ADGRE5: variants seen among roughly 807,000 people sequenced by gnomAD.
The protein encoded by ADGRE5 is CD97 molecule.
In ADGRE5, 72 loss-of-function variants were observed where a neutral mutation model predicts 100.3. The ratio of observed to expected loss-of-function variants is 0.72; its 90% CI spans 0.59 to 0.87. The LOEUF is 0.87. ADGRE5 is among the 40% of genes least tolerant of loss of function. The pLI is 0.00. For synonymous variants in ADGRE5, 439 were observed against 447.8 expected, an observed-to-expected ratio of 0.98 and a Z score of 0.25; for missense variants, 959 against 1,094.7, an observed-to-expected ratio of 0.88 and a Z score of 1.75.
chr19:14,392,798 G>C (rs1975645872), intron 4 of ADGRE5, among the ~76,000 whole-genome samples: 1 of 151,618 alleles, frequency 6.6e-6, no homozygotes, highest in African/African-American at 2.4e-5. Context: ...AGCTACTCAA[G>C]AGGCTAAAGC....
In ADGRE5 at chr19:14,405,731, C is replaced by T; in HGVS notation, c.1630-17C>T. 6.3e-7 allele frequency: 1 copy of T among 1,598,328 alleles called. No individual in the cohort carries two copies. Among genetic ancestry groups the T allele is most frequent in the Non-Finnish European group, 8.5e-7 (1 of 1,169,616 alleles). On this transcript the variant is annotated splice_polypyrimidine_tract_variant and intron_variant, in intron 13 of 19. Transcript: ENST00000242786. ...TCATGCCCTGAAGGAACCCTGAGCACCCGGTGCCACTCCTAGGACTGGAAG... is the reference window on the plus strand; with the variant it reads ...TCATGCCCTGAAGGAACCCTGAGCATCCGGTGCCACTCCTAGGACTGGAAG...
At chr19:14,398,498 G>A (rs560334995) in intron 9 of ADGRE5, among the ~76,000 whole-genome samples, 82 of 130,880 alleles carry the variant, frequency 6.3e-4, no homozygotes, top group Non-Finnish European at 7.9e-4. Flanking sequence ...TGAAACCCCC[G>A]TCTCTACTAA....
intron 1 of ADGRE5, among the ~76,000 whole-genome samples, chr19:14,386,660 C>T (rs1479272362): frequency 7.1e-6 from 1 of 141,336 alleles, no homozygotes; most frequent in Non-Finnish European, 1.5e-5. Flanking sequence ...CACCACTGCA[C>T]TCCAGCCTGG....
rs767614758 is a variant in ADGRE5, at chr19:14,407,220, C to T, written c.2367C>T (p.Leu789=). 3.7e-6 allele frequency: 6 copies of T among 1,613,898 alleles called. No individual in the cohort carries two copies. The Admixed American group carries it at 5.0e-5, about 13-fold the overall frequency. The change falls in exon 18 of 20, where the codon CTC becomes CTT. Residue 789 remains leucine (L), a synonymous_variant. Coordinates refer to ENST00000242786, the MANE Select transcript of ADGRE5 (RefSeq NM_078481.4). The part of the protein sequence containing the change: ...GAFLYLLHCL[L]NKKVREEYRK... ...TCCTCTACCTGCTGCACTGCCTGCT[C>T]AACAAGAAGGTGGGGGCCTGGGCAC...
In ADGRE5 at chr19:14,405,788, T is replaced by C. The variant is rs780564222; in HGVS notation, c.1670T>C (p.Leu557Pro). The change falls in exon 14 of 20, where the codon CTG becomes CCG. Residue 557 changes from leucine (L) to proline (P), a missense_variant. Physicochemically the swap from Leu to Pro is moderately conservative, Grantham distance 98. Around this residue, in one of 6 missense-constraint regions of ADGRE5, gnomAD observed 428 missense variants for 386.2 expected, o/e 1.11. Coordinates refer to ENST00000242786, the MANE Select transcript of ADGRE5 (RefSeq NM_078481.4). The part of the protein sequence containing the change: ...LTLITRVGLA[L>P]SLFCLLLCIL... ...CTGATCACCAGGGTGGGACTGGCGC[T>C]GTCACTCTTCTGCCTGCTGCTGTGC... The C allele has an allele frequency of 7.4e-6, 12 of 1,613,760 alleles. No homozygotes were observed. In the African/African-American group the frequency reaches 1.5e-4, roughly 20 times the overall value.
At chr19:14,398,453 C>T (rs372724761) in intron 9 of ADGRE5, 18 of 310,364 alleles carry the variant, frequency 5.8e-5, no homozygotes, top group African/African-American at 1.7e-4. Flanking sequence ...GCAGATCACG[C>T]GGTCAGGAGA....
In ADGRE5 at chr19:14,397,235, A is replaced by G. The variant is rs1975813930; in HGVS notation, c.625+12A>G. ...TACCGTCTGTGAAGGTCGAGAGCTC[A>G]GATCCCACGTTTCTAGCGACCCACA... On this transcript the variant is annotated intron_variant, in intron 6 of 19. Transcript: ENST00000242786. The G allele has an allele frequency of 8.1e-6, 13 of 1,613,980 alleles. No homozygotes were observed. The highest frequency in any genetic ancestry group is 1.1e-5 in the Non-Finnish European group (13 of 1,179,882).
chr19:14,407,175 C>G lies in ADGRE5; in HGVS notation c.2322C>G (p.Leu774=), dbSNP rs781089508. ...TGCTGACCTATGTGTTTACCATCCT[C>G]AACTGCCTGCAGGGCGCCTTCCTCT... The part of the protein sequence containing the change: ...SLVLTYVFTI[L]NCLQGAFLYL... The change falls in exon 18 of 20, where the codon CTC becomes CTG. Residue 774 remains leucine, a synonymous_variant. Transcript: ENST00000242786. The G allele has an allele frequency of 6.2e-7, 1 of 1,614,174 alleles. No homozygotes were observed. Among genetic ancestry groups the G allele is most frequent in the Non-Finnish European group, 8.5e-7 (1 of 1,180,042 alleles).
intron 3 of ADGRE5, 149 bp from the exon 4 acceptor site, chr19:14,390,775 A>G: frequency 6.7e-6 from 6 of 902,170 alleles, no homozygotes; most frequent in Non-Finnish European, 1.0e-5. Context: ...GGCTTGCTCC[A>G]GCTGCAGCAT....
intron 18 of ADGRE5, among the ~76,000 whole-genome samples, chr19:14,407,558 G>A (rs992858667): frequency 6.6e-6 from 1 of 150,912 alleles, no homozygotes; most frequent in Admixed American, 6.6e-5. Flanking sequence ...GCTGAGGCAG[G>A]AGAATCATTT....
intron 1 of ADGRE5, among the ~76,000 whole-genome samples, chr19:14,384,754 G>A (rs929589610): frequency 1.3e-5 from 2 of 150,470 alleles, no homozygotes; most frequent in Non-Finnish European, 3.0e-5. Context: ...GCTCTTTATG[G>A]GCCCCTTGTT....
rs781059700 is a variant in ADGRE5, at chr19:14,402,848, G to T, written c.1435G>T (p.Asp479Tyr). 2 of 1,613,866 alleles carry T rather than the reference G, an allele frequency of 1.2e-6. No individual in the cohort carries two copies. The highest frequency in any genetic ancestry group is 1.7e-6 in the Non-Finnish European group (2 of 1,180,010). Residue 479 changes from aspartate (D) to tyrosine (Y), a missense_variant, in exon 12 of 20, where the codon GAC becomes TAC. Around this residue, in one of 6 missense-constraint regions of ADGRE5, gnomAD observed 246 missense variants for 242.2 expected, o/e 1.02. Coordinates refer to ENST00000242786, the MANE Select transcript of ADGRE5 (RefSeq NM_078481.4). ...GTCCTCCGATGGGGAGGCGGGAAGA[G>T]ACCCTCCTGCCAAGGTCTCTGCTCA... ...LESSDGEAGR[D>Y]PPAKDVMPGP...
At position 14,406,973 on chromosome 19, in the gene ADGRE5, G is replaced by T; in HGVS notation, c.2207+13G>T. The T allele has an allele frequency of 6.2e-7, 1 of 1,614,024 alleles. No individual in the cohort carries two copies. The highest frequency in any genetic ancestry group is 1.1e-5 in the South Asian group (1 of 91,086). On this transcript the variant is annotated intron_variant, in intron 17 of 19. Coordinates refer to ENST00000242786, the MANE Select transcript of ADGRE5 (RefSeq NM_078481.4). This position sits in a 1 kb window ranked among gnomAD's most constrained non-coding sequence, Gnocchi z 6.0. ...TAAAGAAGGCGAGGTGAGAGGAGAGGCTGGAAGGACTTGGAGGCGGGGCCG... is the reference window on the plus strand; with the variant it reads ...TAAAGAAGGCGAGGTGAGAGGAGAGTCTGGAAGGACTTGGAGGCGGGGCCG...
chr19:14,395,121 T>C (rs1975728004), intron 4 of ADGRE5, among the ~76,000 whole-genome samples: 1 of 152,032 alleles, frequency 6.6e-6, no homozygotes, highest in Non-Finnish European at 1.5e-5. Flanking sequence ...ACCAACATGG[T>C]GCAACCCTGT....
At chr19:14,383,878 T>C (rs1223446036) in intron 1 of ADGRE5, among the ~76,000 whole-genome samples, 1 of 151,978 alleles carries the variant, frequency 6.6e-6, no homozygotes, top group Non-Finnish European at 1.5e-5. Context: ...AATCCCTCAA[T>C]TCCTCCTTCC....
In ADGRE5 at chr19:14,407,236, G is replaced by A; in HGVS notation, c.2376+7G>A. ...CTGCCTGCTCAACAAGAAGGTGGGG[G>A]CCTGGGCACAGTGGCGCACGCCTGT... is the stretch of plus-strand genomic sequence containing the variant. On this transcript the variant is annotated splice_region_variant and intron_variant, in intron 18 of 19. Coordinates refer to ENST00000242786, the MANE Select transcript of ADGRE5 (RefSeq NM_078481.4). The A allele has an allele frequency of 6.2e-7, 1 of 1,613,602 alleles. No homozygotes were observed. The highest frequency in any genetic ancestry group is 1.1e-5 in the South Asian group (1 of 91,054).
chr19:14,396,534 G>A (rs1047991596), intron 5 of ADGRE5, 61 bp downstream of exon 5: 25 of 1,604,820 alleles, frequency 1.6e-5, no homozygotes, highest in Admixed American at 3.4e-5. Flanking sequence ...GCTGAGGCAC[G>A]TCCTCCAAAG....
chr19:14,405,809 T>G lies in ADGRE5; in HGVS notation c.1691T>G (p.Leu564Arg). Residue 564 changes from leucine (L) to arginine (R), a missense_variant, in exon 14 of 20, where the codon CTG becomes CGG. By Grantham distance (102) the Leu-to-Arg change is moderately radical (BLOSUM62 -2). Around this residue, in one of 6 missense-constraint regions of ADGRE5, gnomAD observed 428 missense variants for 386.2 expected, o/e 1.11. Transcript: ENST00000242786. ...GCGCTGTCACTCTTCTGCCTGCTGCTGTGCATCCTCACTTTCCTGCTGGTG... is the reference window on the plus strand; with the variant it reads ...GCGCTGTCACTCTTCTGCCTGCTGCGGTGCATCCTCACTTTCCTGCTGGTG... ...GLALSLFCLL[L>R]CILTFLLVRP... is the part of the protein sequence containing the mutation. 6.2e-7 allele frequency: 1 copy of G among 1,613,928 alleles called. No individual in the cohort carries two copies. Among genetic ancestry groups the G allele is most frequent in the Non-Finnish European group, 8.5e-7 (1 of 1,180,000 alleles).
At chr19:14,389,387 G>C (rs1212002122) in intron 3 of ADGRE5, among the ~76,000 whole-genome samples, 32 of 89,480 alleles carry the variant, frequency 3.6e-4, no homozygotes, top group Non-Finnish European at 6.4e-4. Flanking sequence ...GAAGGGGAGG[G>C]GGAGGCAGAG....
Sources: allele counts gnomAD v4.1 joint callset (sites outside exome capture counted in the v4.1 genomes callset), GRCh38; gene constraint gnomAD v4.1.1; regional missense constraint gnomAD v4.1.1; non-coding constraint Gnocchi (gnomAD v3.1); transcripts MANE v1.5; gene names NCBI Gene and HGNC (gene_info 2026-07-23, HGNC 2026-07-21).